MAGI2: variants seen among roughly 807,000 people sequenced by gnomAD.
The protein encoded by MAGI2 is membrane associated guanylate kinase, WW and PDZ domain containing 2, also known as membrane-associated guanylate kinase, WW and PDZ domain-containing protein 2.
In MAGI2, 35 loss-of-function variants were observed where a neutral mutation model predicts 133.3. The ratio of observed to expected loss-of-function variants is 0.26; its 90% CI spans 0.20 to 0.35. The LOEUF (loss-of-function observed/expected upper bound fraction) is 0.35. Ranked by LOEUF, MAGI2 falls within the 10% of genes least tolerant of loss-of-function variation. MAGI2 has a pLI of 1.00. For missense variants in MAGI2, 1,636 were observed against 1,863.4 expected (o/e 0.88, Z 2.25); for synonymous variants, 729 against 710.6 (o/e 1.03, Z -0.41).
At chr7:78,176,736 T>C (rs1053388909) in intron 14 of MAGI2, among the ~76,000 whole-genome samples, 2 of 152,090 alleles carry the variant, frequency 1.3e-5, no homozygotes, top group Admixed American at 6.6e-5. Context: ...TAGTCCCAGC[T>C]ACTCAGGAGA....
chr7:78,198,428 GT>G (rs398066996), intron 11 of MAGI2, among the ~76,000 whole-genome samples: 13,953 of 96,940 alleles, frequency 0.14, 539 homozygotes, highest in Middle Eastern at 0.22. Flanking sequence ...GGCTGTGGCC[GT>G]TTTTTTTTTT....
intron 6 of MAGI2, among the ~76,000 whole-genome samples, chr7:78,416,081 T>C (rs946218797): frequency 6.6e-6 from 1 of 152,126 alleles, no homozygotes; most frequent in African/African-American, 2.4e-5. Context: ...AGGCATGAAC[T>C]GGCCAATGTG....
intron 1 of MAGI2, among the ~76,000 whole-genome samples, chr7:79,122,648 C>CTT (rs1042120289): frequency 6.9e-6 from 1 of 145,670 alleles, no homozygotes; most frequent in Non-Finnish European, 1.5e-5. Flanking sequence ...TAATATATTA[C>CTT]TTTTTTTTTT....
At chr7:78,127,928 C>T (rs911266869) in intron 18 of MAGI2, among the ~76,000 whole-genome samples, 3 of 152,134 alleles carry the variant, frequency 2.0e-5, no homozygotes, top group Non-Finnish European at 2.9e-5. Context: ...GCTATTTTAA[C>T]CTGCTGAGTT....
At chr7:79,093,595 G>T (rs1817257754) in intron 1 of MAGI2, among the ~76,000 whole-genome samples, 1 of 152,042 alleles carries the variant, frequency 6.6e-6, no homozygotes, top group Non-Finnish European at 1.5e-5. Context: ...CTTCTTGCTG[G>T]TTAGAGAGTC....
rs1042200891 is a variant in MAGI2 at position 78,154,791 on chromosome 7, C to T, written c.2845+5234G>A. Among the ~76,000 whole-genome samples, 12 of 152,178 alleles carry T rather than the reference C, an allele frequency of 7.9e-5. 1 individual carries two copies. The highest frequency in any genetic ancestry group is 2.1e-4 in the South Asian group (1 of 4,834). Reference sequence around the variant, plus strand: ...GTAGGTTTGTTAAGGAGGTAGGAAGCACCTATAAGGACAGGTGCTACAGCT... The same window carrying T: ...GTAGGTTTGTTAAGGAGGTAGGAAGTACCTATAAGGACAGGTGCTACAGCT... On this transcript the variant is annotated intron_variant, in intron 16 of 21. Transcript: ENST00000354212.
chr7:78,991,317 T>TACACACAC (rs148776305), intron 2 of MAGI2, among the ~76,000 whole-genome samples: 1 of 132,108 alleles, frequency 7.6e-6, no homozygotes, highest in African/African-American at 2.8e-5. Context: ...GACACACACA[T>TACACACAC]ACACACACAC....
intron 16 of MAGI2, among the ~76,000 whole-genome samples, chr7:78,136,176 C>T (rs547325939): frequency 2.0e-5 from 3 of 150,800 alleles, no homozygotes; most frequent in Admixed American, 6.6e-5. Flanking sequence ...AGTGCAGTGG[C>T]GCGATCCTGG....
intron 1 of MAGI2, among the ~76,000 whole-genome samples, chr7:79,134,558 C>T (rs1348921028): frequency 6.6e-6 from 1 of 152,186 alleles, no homozygotes; most frequent in African/African-American, 2.4e-5. Context: ...TTCAAACAAT[C>T]TCTTACCTTC....
chr7:78,261,695 T>C (rs1793534063), intron 9 of MAGI2, among the ~76,000 whole-genome samples: 2 of 152,300 alleles, frequency 1.3e-5, no homozygotes, highest in Admixed American at 6.5e-5. Flanking sequence ...TAAAAAAACC[T>C]GACAACTCCC....
chr7:78,416,738 A>C (rs901364741), intron 6 of MAGI2, among the ~76,000 whole-genome samples: 5 of 152,148 alleles, frequency 3.3e-5, no homozygotes, highest in African/African-American at 1.2e-4. Context: ...AATGGAATAC[A>C]TGTGTTATAA....
chr7:78,890,006 T>A (rs1796607631), intron 2 of MAGI2, among the ~76,000 whole-genome samples: 1 of 152,170 alleles, frequency 6.6e-6, no homozygotes, highest in African/African-American at 2.4e-5. Flanking sequence ...GAGACACATA[T>A]AGGCTCAAAA....
intron 2 of MAGI2, among the ~76,000 whole-genome samples, chr7:79,004,329 A>T (rs1349178171): frequency 2.0e-5 from 3 of 152,194 alleles, no homozygotes; most frequent in African/African-American, 7.2e-5. Context: ...AGTGGAGATC[A>T]CTATGTTAAA....
chr7:79,363,252 T>A (rs1842474835), intron 1 of MAGI2, among the ~76,000 whole-genome samples: 1 of 150,740 alleles, frequency 6.6e-6, no homozygotes, highest in South Asian at 2.1e-4. Flanking sequence ...TGCTGAAAGC[T>A]TCGTAATGCT....
intron 2 of MAGI2, among the ~76,000 whole-genome samples, chr7:78,884,814 A>G (rs1237554128): frequency 1.4e-5 from 2 of 146,610 alleles, no homozygotes; most frequent in Admixed American, 1.4e-4. Flanking sequence ...CAATCCCATT[A>G]CTGGATATAC....
At chr7:78,951,773 T>A (rs935612841) in intron 2 of MAGI2, among the ~76,000 whole-genome samples, 10 of 152,216 alleles carry the variant, frequency 6.6e-5, no homozygotes, top group African/African-American at 2.4e-4. Flanking sequence ...TTAAAATTTC[T>A]TCTGACCTCT....
At chr7:79,407,895 C>T (rs1376529983) in intron 1 of MAGI2, among the ~76,000 whole-genome samples, 2 of 151,972 alleles carry the variant, frequency 1.3e-5, no homozygotes, top group Non-Finnish European at 2.9e-5. Flanking sequence ...TCTATATTGA[C>T]ATATTTTATA....
Position 78,955,777 on chromosome 7 carries a change from CTTTCTTTCTTTCA to C in MAGI2, c.418+51300_418+51312del, listed in dbSNP as rs1802323505. On this transcript the variant is annotated intron_variant, in intron 2 of 21. Transcript: ENST00000354212. ...TCTTTCTTTCTTTCTTTCTTTCTTT[CTTTCTTTCTTTCA>C]TTTCTTTCGTTCATTCTTTCTTTCT... Among the ~76,000 whole-genome samples the C allele has an allele frequency of 4.5e-5, 4 of 88,468 alleles. No homozygotes were observed. In the Admixed American group the frequency reaches 4.8e-4, roughly 11 times the overall value. 58.0% of individuals were successfully genotyped at this position (88,468 alleles called of 152,430 possible).
intron 2 of MAGI2, among the ~76,000 whole-genome samples, chr7:78,657,420 C>T (rs1461940581): frequency 6.6e-6 from 1 of 152,164 alleles, no homozygotes; most frequent in African/African-American, 2.4e-5. Flanking sequence ...TGGAAGCAAC[C>T]AAGATGTCCT....
Sources: gnomAD v4.1 joint callset for allele counts (sites outside exome capture counted in the v4.1 genomes callset) on GRCh38, gnomAD v4.1.1 for gene constraint, MANE v1.5 for transcripts, NCBI Gene and HGNC (gene_info 2026-07-23, HGNC 2026-07-21) for gene names.